The following KLHL22 variants were observed in gnomAD, a reference collection of about 807,000 sequenced individuals.
KLHL22 encodes kelch-like protein 22.
Under a neutral mutation model 60.7 loss-of-function variants are expected in KLHL22, and 18 were observed. The ratio of observed to expected loss-of-function variants is 0.30; its 90% CI spans 0.20 to 0.44. The LOEUF is 0.44. KLHL22 is among the 20% of genes least tolerant of loss of function. The pLI is 1.00. For synonymous variants in KLHL22, 355 were observed against 354.5 expected (o/e 1.00, Z -0.01); for missense variants, 596 against 852.3 (o/e 0.70, Z 3.74).
At chr22:20,450,641 G>C (rs1463305623) in intron 5 of KLHL22, 1 of 1,581,974 alleles carries the variant, frequency 6.3e-7, no homozygotes, top group African/African-American at 1.3e-5. Context: ...ATTCTTCTGA[G>C]GCAAGGAGAG....
chr22:20,493,963 TGAGG>T (rs1364252464), intron 1 of KLHL22, among the ~76,000 whole-genome samples: 2 of 151,418 alleles, frequency 1.3e-5, no homozygotes, highest in Non-Finnish European at 2.9e-5. Flanking sequence ...CTGGGAAGGC[TGAGG>T]AAGGGGGAAG....
At chr22:20,464,004 C>A (rs138581031) in intron 4 of KLHL22, among the ~76,000 whole-genome samples, 1 of 152,218 alleles carries the variant, frequency 6.6e-6, no homozygotes, top group Non-Finnish European at 1.5e-5. Context: ...CTCTCTCCAA[C>A]ACAGCTCCAT....
At chr22:20,464,585 G>C (rs1046987543) in intron 4 of KLHL22, among the ~76,000 whole-genome samples, 2 of 152,084 alleles carry the variant, frequency 1.3e-5, no homozygotes, top group Admixed American at 1.3e-4. Context: ...CAATGCACTC[G>C]CAACCTAGCC....
intron 2 of KLHL22, chr22:20,484,089 C>T (rs2053548721): frequency 3.1e-6 from 3 of 959,654 alleles, no homozygotes; most frequent in Non-Finnish European, 1.7e-6. Flanking sequence ...GAAGGTAGAG[C>T]GAGTGGTGAA....
chr22:20,460,877 C>G (rs944350118), intron 4 of KLHL22, among the ~76,000 whole-genome samples: 5 of 152,050 alleles, frequency 3.3e-5, no homozygotes, highest in African/African-American at 1.2e-4. Context: ...TTGGATTCCC[C>G]CAAAACCCCT....
chr22:20,493,409 T>C (rs776369119), intron 1 of KLHL22, among the ~76,000 whole-genome samples: 2 of 152,202 alleles, frequency 1.3e-5, no homozygotes, highest in African/African-American at 2.4e-5. Context: ...CTATACGGTT[T>C]TAAATCACCA....
intron 3 of KLHL22, among the ~76,000 whole-genome samples, chr22:20,469,613 T>C (rs1405154293): frequency 6.6e-6 from 1 of 152,158 alleles, no homozygotes; most frequent in Non-Finnish European, 1.5e-5. Flanking sequence ...CTACTCACCA[T>C]GCAGGTATGG....
intron 5 of KLHL22, chr22:20,451,257 G>C: frequency 1.2e-6 from 2 of 1,604,902 alleles, no homozygotes; most frequent in Non-Finnish European, 1.7e-6. Flanking sequence ...TGGGAGATTT[G>C]ATCTATGTCT....
At chr22:20,470,786 A>AAATGGATG (rs142562911) in intron 3 of KLHL22, among the ~76,000 whole-genome samples, 200 of 137,768 alleles carry the variant, frequency 1.5e-3, no homozygotes, top group Admixed American at 2.3e-3. Flanking sequence ...ATGGATGGAT[A>AAATGGATG]GATGGATGGA....
intron 2 of KLHL22, among the ~76,000 whole-genome samples, chr22:20,475,034 T>C (rs576497156): frequency 6.6e-5 from 10 of 152,332 alleles, no homozygotes; most frequent in African/African-American, 2.4e-4. Context: ...TAAAGAGCCA[T>C]TTCCATTTTC....
intron 2 of KLHL22, among the ~76,000 whole-genome samples, chr22:20,474,503 A>G (rs2053378524): frequency 6.6e-6 from 1 of 152,018 alleles, no homozygotes; most frequent in Non-Finnish European, 1.5e-5. Flanking sequence ...GCAATTCTCC[A>G]AACTCAGCCT....
chr22:20,487,552 A>C (rs1194011601), intron 2 of KLHL22, among the ~76,000 whole-genome samples: 37 of 148,546 alleles, frequency 2.5e-4, no homozygotes, highest in African/African-American at 3.7e-4. Flanking sequence ...ACACACACAC[A>C]CCCCCCTGTG....
chr22:20,494,054 G>A (rs754751991), intron 1 of KLHL22, among the ~76,000 whole-genome samples: 1 of 137,188 alleles, frequency 7.3e-6, no homozygotes, highest in African/African-American at 2.7e-5. Context: ...ACTCCAGCCT[G>A]GGCGACAGAG....
chr22:20,483,997 C>T, intron 2 of KLHL22: 1 of 716,192 alleles, frequency 1.4e-6, no homozygotes, highest in Admixed American at 1.8e-5. Flanking sequence ...TCGGTGCCTG[C>T]ATAGACGCTG....
intron 1 of KLHL22, 25 bp from the exon 2 acceptor site, chr22:20,489,269 A>G (rs2053642501): frequency 1.3e-6 from 2 of 1,559,460 alleles, no homozygotes; most frequent in East Asian, 4.5e-5. Flanking sequence ...AACAGGGGAC[A>G]GGGGTGAGCA....
chr22:20,455,707 A>G lies in KLHL22; in HGVS notation c.1305+2101T>C, dbSNP rs781561898. The stretch of plus-strand genomic sequence containing the variant: ...TTGCCCCAGTTTTGCTTGCTTCGAA[A>G]GTAACCTTTTGTTCACTGCAGTGGT... On this transcript the variant is annotated intron_variant, in intron 5 of 6. Coordinates refer to ENST00000328879, the MANE Select transcript of KLHL22 (RefSeq NM_032775.4). 3.1e-4 allele frequency among the ~76,000 whole-genome samples: 47 copies of G among 152,314 alleles called. No individual in the cohort carries two copies. In the Middle Eastern group the frequency reaches 0.01, roughly 33 times the overall value.
At chr22:20,488,672 G>GGGGAGGGGA in intron 2 of KLHL22, 5 of 427,804 alleles carry the variant, frequency 1.2e-5, no homozygotes, top group South Asian at 2.4e-5. Flanking sequence ...ACGGAGGGGA[G>GGGGAGGGGA]GAATGGTAAG....
intron 2 of KLHL22, among the ~76,000 whole-genome samples, chr22:20,480,115 G>GT (rs1247783085): frequency 6.6e-6 from 1 of 152,210 alleles, no homozygotes; most frequent in Non-Finnish European, 1.5e-5. Context: ...GGCTAATGCT[G>GT]TATGATTCTA....
chr22:20,478,279 C>T (rs1307054650), intron 2 of KLHL22, among the ~76,000 whole-genome samples: 2 of 150,880 alleles, frequency 1.3e-5, no homozygotes, highest in African/African-American at 4.9e-5. Flanking sequence ...AATCTCGGCT[C>T]ACCACAACCT....
Sources: allele counts gnomAD v4.1 joint callset (sites outside exome capture counted in the v4.1 genomes callset), GRCh38; gene constraint gnomAD v4.1.1; transcripts MANE v1.5; gene names NCBI Gene and HGNC (gene_info 2026-07-23, HGNC 2026-07-21).